The following GRM7 variants were observed in gnomAD, a reference collection of about 807,000 sequenced individuals.
The protein encoded by GRM7 is glutamate metabotropic receptor 7, also known as metabotropic glutamate receptor 7.
Under a neutral mutation model 84.5 loss-of-function variants are expected in GRM7, and 35 were observed. The ratio of observed to expected loss-of-function variants is 0.41; its 90% CI spans 0.32 to 0.55. The LOEUF (loss-of-function observed/expected upper bound fraction) is 0.55. Among genes scored for constraint, GRM7 ranks in the 20% least tolerant of loss-of-function variants. The pLI is 0.19. For missense variants in GRM7, 1,003 were observed against 1,194.6 expected (o/e 0.84, Z 2.36); for synonymous variants, 487 against 455.1 (o/e 1.07, Z -0.89).
chr3:7,123,221 C>T (rs1287371107), intron 1 of GRM7, among the ~76,000 whole-genome samples: 2 of 152,208 alleles, frequency 1.3e-5, no homozygotes, highest in East Asian at 1.9e-4. Context: ...TTCTGCAGTT[C>T]TTTAAGCTGC....
chr3:7,325,104 T>G (rs188626707), intron 4 of GRM7, among the ~76,000 whole-genome samples: 2 of 152,274 alleles, frequency 1.3e-5, no homozygotes, highest in Non-Finnish European at 2.9e-5. Context: ...CCTTCTAAGC[T>G]TTTCCAGAAT....
Position 7,516,080 on chromosome 3 carries a change from T to A in GRM7, c.1515+54358T>A, listed in dbSNP as rs567563066. On this transcript the variant is annotated intron_variant, in intron 7 of 9. Coordinates refer to ENST00000357716, the MANE Select transcript of GRM7 (RefSeq NM_000844.4). ...TACTTGGGATGCTGAGGTGGGAGGA[T>A]CTTGAGGCTGGAAGGTAGAGCCCGC... 2.7e-5 allele frequency among the ~76,000 whole-genome samples: 4 copies of A among 149,038 alleles called. No homozygotes were observed. In the East Asian group the frequency reaches 8.0e-4, roughly 30 times the overall value.
At chr3:7,395,684 C>A (rs1397294609) in intron 4 of GRM7, among the ~76,000 whole-genome samples, 1 of 152,276 alleles carries the variant, frequency 6.6e-6, no homozygotes, top group South Asian at 2.1e-4. Context: ...TGCCTGCTGC[C>A]ATGTAAGATA....
intron 8 of GRM7, among the ~76,000 whole-genome samples, chr3:7,599,786 G>A (rs1341492052): frequency 1.3e-5 from 2 of 152,038 alleles, no homozygotes; most frequent in Non-Finnish European, 2.9e-5. Context: ...CCTAATTAAG[G>A]CTGTCAATTA....
At chr3:7,314,603 A>T (rs936543549) in intron 4 of GRM7, among the ~76,000 whole-genome samples, 10 of 152,184 alleles carry the variant, frequency 6.6e-5, no homozygotes, top group African/African-American at 2.4e-4. Flanking sequence ...TAGGGGTGGT[A>T]AAAGCTGTAA....
intron 1 of GRM7, among the ~76,000 whole-genome samples, chr3:6,987,040 C>T (rs1694438736): frequency 6.6e-6 from 1 of 152,222 alleles, no homozygotes; most frequent in Admixed American, 6.5e-5. Flanking sequence ...GTTCTACCTA[C>T]TGCTCTTCTA....
chr3:7,644,515 A>C (rs1035953570), intron 8 of GRM7, among the ~76,000 whole-genome samples: 1 of 152,154 alleles, frequency 6.6e-6, no homozygotes, highest in African/African-American at 2.4e-5. Flanking sequence ...AAATAATTCA[A>C]TTCCCTCTCA....
intron 1 of GRM7, among the ~76,000 whole-genome samples, chr3:6,905,162 T>C (rs771798224): frequency 3.9e-5 from 6 of 152,212 alleles, no homozygotes; most frequent in Non-Finnish European, 8.8e-5. Context: ...AAAGGTTGGA[T>C]TTGTATTGGA....
intron 4 of GRM7, among the ~76,000 whole-genome samples, chr3:7,341,510 T>G (rs2125079866): frequency 6.6e-6 from 1 of 152,178 alleles, no homozygotes; most frequent in East Asian, 1.9e-4. Flanking sequence ...ACGGCCTGAC[T>G]CAGTACCACT....
chr3:7,350,260 C>T (rs1288786107), intron 4 of GRM7, among the ~76,000 whole-genome samples: 2 of 151,978 alleles, frequency 1.3e-5, no homozygotes, highest in Non-Finnish European at 2.9e-5. Flanking sequence ...ATCTGTGTCC[C>T]CACCCAAATT....
At chr3:7,292,648 C>T (rs922492687) in intron 2 of GRM7, among the ~76,000 whole-genome samples, 7 of 151,852 alleles carry the variant, frequency 4.6e-5, no homozygotes, top group African/African-American at 1.7e-4. Context: ...ATCTCAGTTT[C>T]TCCATGTGTA....
At chr3:7,726,116 GT>G (rs2106522907) in intron 9 of GRM7, among the ~76,000 whole-genome samples, 1 of 152,238 alleles carries the variant, frequency 6.6e-6, no homozygotes, top group South Asian at 2.1e-4. Context: ...ATCTATAACA[GT>G]GGTTTTAAAT....
rs373666761 is a variant in GRM7, at chr3:7,588,407, C to T, written c.2451+9050C>T. Among the ~76,000 whole-genome samples the T allele has an allele frequency of 1.5e-3, 221 of 152,292 alleles. 1 individual carries two copies. The highest frequency in any genetic ancestry group is 4.8e-3 in the African/African-American group (199 of 41,562). ...TACCCACCCAGCTCAGGACCACATTCGGCTCTGTTCGCCTGGCTGGGTTTG... is the reference window on the plus strand; with the variant it reads ...TACCCACCCAGCTCAGGACCACATTTGGCTCTGTTCGCCTGGCTGGGTTTG... On this transcript the variant is annotated intron_variant, in intron 8 of 9. Transcript: ENST00000357716.
intron 4 of GRM7, among the ~76,000 whole-genome samples, chr3:7,319,569 A>G (rs1700699430): frequency 6.6e-6 from 1 of 151,990 alleles, no homozygotes; most frequent in Admixed American, 6.6e-5. Flanking sequence ...GGAGTAGAGA[A>G]TTTATCTTAG....
chr3:7,392,682 C>T (rs370761410), intron 4 of GRM7, among the ~76,000 whole-genome samples: 4 of 152,144 alleles, frequency 2.6e-5, no homozygotes, highest in Admixed American at 1.3e-4. Flanking sequence ...TTCCCCACTC[C>T]TTTTTGGTTG....
In GRM7 at chr3:6,862,740, C is replaced by T. The variant is rs1694802406; in HGVS notation, c.519+833C>T. The T allele has an allele frequency of 3.5e-6, 1 of 284,356 alleles. No homozygotes were observed. The highest frequency in any genetic ancestry group is 7.0e-6 in the Non-Finnish European group (1 of 142,838). The allele number at this position is 284,356 out of a possible 1,614,324, so 17.6% of individuals were successfully genotyped here. The stretch of plus-strand genomic sequence containing the variant: ...TCCCTCCTCCCCCCCGCCCCCCTCA[C>T]CCACTATCTCCCTGACGCAGACCCC... On this transcript the variant is annotated intron_variant, in intron 1 of 9. Coordinates refer to ENST00000357716, the MANE Select transcript of GRM7 (RefSeq NM_000844.4). The surrounding 1 kb of genome is among the most constrained non-coding windows in gnomAD (Gnocchi z 5.2).
intron 8 of GRM7, among the ~76,000 whole-genome samples, chr3:7,663,320 G>A (rs1699545006): frequency 6.6e-6 from 1 of 152,124 alleles, no homozygotes; most frequent in Non-Finnish European, 1.5e-5. Flanking sequence ...ACAAGGAACT[G>A]GGCCTTTATC....
At chr3:7,162,728 CATTTTTTTTTTTTT>C (rs1694665424) in intron 2 of GRM7, among the ~76,000 whole-genome samples, 2 of 57,100 alleles carry the variant, frequency 3.5e-5, no homozygotes, top group African/African-American at 1.0e-4. Context: ...TCCCATTTTT[CATTTTTTTTTTTTT>C]TTTTTTTTTT....
intron 7 of GRM7, chr3:7,561,498 G>T (rs1300277608): frequency 4.4e-6 from 2 of 456,378 alleles, no homozygotes; most frequent in African/African-American, 2.0e-5. Context: ...AGAAGGATGG[G>T]ATAGAGACCA....
Sources: gnomAD v4.1 joint callset for allele counts (sites outside exome capture counted in the v4.1 genomes callset) on GRCh38, gnomAD v4.1.1 for gene constraint, Gnocchi (gnomAD v3.1) non-coding constraint, MANE v1.5 for transcripts, NCBI Gene and HGNC (gene_info 2026-07-23, HGNC 2026-07-21) for gene names.